The following EMC3 variants were observed in gnomAD, a reference collection of about 807,000 sequenced individuals.
EMC3 encodes ER membrane protein complex subunit 3.
EMC3 carries 13 observed loss-of-function variants against 36.6 expected under a neutral mutation model. That is an observed-to-expected ratio of 0.35 (90% CI 0.23 to 0.56). The LOEUF (loss-of-function observed/expected upper bound fraction) is 0.56, where lower values mean the gene tolerates loss of function less well. Ranked by LOEUF, EMC3 falls within the 20% of genes least tolerant of loss-of-function variation. EMC3 has a pLI of 0.84. For missense variants in EMC3, 220 were observed against 324.5 expected (o/e 0.68, Z 2.47); for synonymous variants, 120 against 111.9 (o/e 1.07, Z -0.46).
At chr3:9,974,788 G>A (rs553746754) in intron 3 of EMC3, among the ~76,000 whole-genome samples, 1 of 150,798 alleles carries the variant, frequency 6.6e-6, no homozygotes. Flanking sequence ...TTGATCTCCT[G>A]AACTCGTGAT....
intron 1 of EMC3, among the ~76,000 whole-genome samples, chr3:9,996,752 C>T (rs190781469): frequency 5.3e-5 from 8 of 152,190 alleles, no homozygotes; most frequent in Non-Finnish European, 1.2e-4. Flanking sequence ...GGTTTGTCTC[C>T]CACAGGGACA....
intron 7 of EMC3, among the ~76,000 whole-genome samples, chr3:9,964,474 T>G (rs2085718049): frequency 6.6e-6 from 1 of 152,252 alleles, no homozygotes; most frequent in Non-Finnish European, 1.5e-5. Flanking sequence ...GAGATTTAAA[T>G]TGTGGTCTGA....
At chr3:9,997,602 G>A (rs2086142787) in intron 1 of EMC3, among the ~76,000 whole-genome samples, 2 of 152,116 alleles carry the variant, frequency 1.3e-5, no homozygotes, top group South Asian at 4.2e-4. Context: ...TGTGATTACA[G>A]GCGTGCACCA....
Position 9,976,981 on chromosome 3 carries a change from C to T in EMC3, c.283G>A (p.Val95Ile), listed in dbSNP as rs2085856759. 4 of 1,612,516 alleles carry T rather than the reference C, an allele frequency of 2.5e-6. No homozygotes were observed. The highest frequency in any genetic ancestry group is 3.4e-6 in the Non-Finnish European group (4 of 1,179,588). Residue 95 changes from valine to isoleucine, a missense_variant, in exon 3 of 8, where the codon GTA becomes ATA. Coordinates refer to ENST00000245046, the MANE Select transcript of EMC3 (RefSeq NM_001394674.1). ...CCAGTCATAGGAGAAGGTGGCACTACCTTCCGTTTAGTTTTTTTGAAAAAT... is the reference window on the plus strand; with the variant it reads ...CCAGTCATAGGAGAAGGTGGCACTATCTTCCGTTTAGTTTTTTTGAAAAAT... ...DGFFKKTKRK[V>I]VPPSPMTDPT...
chr3:9,996,594 C>CT (rs1253930602), intron 1 of EMC3, among the ~76,000 whole-genome samples: 15 of 152,044 alleles, frequency 9.9e-5, no homozygotes, highest in Admixed American at 3.3e-4. Context: ...TTTATCTTCC[C>CT]CCCTGCCCTT....
chr3:9,986,785 T>C lies in EMC3; in HGVS notation c.-124A>G. On this transcript the variant is annotated 5_prime_UTR_variant, in exon 1 of 8. Transcript: ENST00000245046. ...CCTTTGCCCGTGTACCCCAGAACTC[T>C]CCTGCGACTGTGAGCCGAGCTTACT... The C allele has an allele frequency of 2.7e-6, 4 of 1,486,842 alleles. No individual in the cohort carries two copies. Among genetic ancestry groups the C allele is most frequent in the Non-Finnish European group, 3.6e-6 (4 of 1,118,518 alleles). The allele number at this position is 1,486,842 out of a possible 1,614,324, so 92.1% of individuals were successfully genotyped here. A position where few individuals can be genotyped will look rare whatever the true frequency, so the allele number is the denominator to read the frequency against.
rs1241572888 is a variant in EMC3, at chr3:10,000,235, T to C, written c.-242+10788A>G. 3.9e-5 allele frequency among the ~76,000 whole-genome samples: 6 copies of C among 152,128 alleles called. No individual in the cohort carries two copies. In the East Asian group the frequency reaches 1.2e-3, roughly 29 times the overall value. On this transcript the variant is annotated intron_variant, in intron 1 of 8. Coordinates refer to the EMC3 transcript ENST00000470827. The stretch of plus-strand genomic sequence containing the variant: ...TGTATTTTTAGTAGAGACGGGGGTT[T>C]CACCATGTTGGCCAGGCTGGTCTCG...
intron 1 of EMC3, among the ~76,000 whole-genome samples, chr3:9,998,591 G>A (rs1229565706): frequency 6.6e-6 from 1 of 151,426 alleles, no homozygotes; most frequent in Non-Finnish European, 1.5e-5. Context: ...CACCTCTCCT[G>A]GCCCTATTTT....
chr3:9,963,477 A>ATATATTTTTTTTTTT lies in EMC3; in HGVS notation c.*591_*592insAAAAAAAAAAATATA, dbSNP rs61596273. The ATATATTTTTTTTTTT allele has an allele frequency of 1.1e-5, 1 of 88,926 alleles. No individual in the cohort carries two copies. The highest frequency in any genetic ancestry group is 4.7e-5 in the African/African-American group (1 of 21,328). The allele number at this position is 88,926 out of a possible 1,614,324, so 5.5% of individuals were successfully genotyped here. A position where few individuals can be genotyped will look rare whatever the true frequency, so the allele number is the denominator to read the frequency against. Reference sequence around the variant, plus strand: ...TAGATATATATATATATATATATATATTTTTTTTTTTTTTTCAGATGGAGT... The same window carrying ATATATTTTTTTTTTT: ...TAGATATATATATATATATATATATATATATTTTTTTTTTTTTTTTTTTTTTTTTTCAGATGGAGT... On this transcript the variant is annotated 3_prime_UTR_variant, in exon 8 of 8. Transcript: ENST00000245046.
At position 9,992,097 on chromosome 3, in the gene EMC3, T is replaced by C. The variant is rs1482435391; in HGVS notation, c.-241-5195A>G. Among the ~76,000 whole-genome samples the C allele has an allele frequency of 2.6e-5, 4 of 151,848 alleles. No individual in the cohort carries two copies. The East Asian group carries it at 5.8e-4, about 22-fold the overall frequency. On this transcript the variant is annotated intron_variant, in intron 1 of 8. Coordinates refer to the EMC3 transcript ENST00000470827. ...AGGAGTTGGGGACCCCTGATCTACC[T>C]TTTTCTTTTTTTTTTAAATTTTGTA...
intron 1 of EMC3, among the ~76,000 whole-genome samples, chr3:10,009,534 GC>G (rs1254732621): frequency 3.9e-5 from 6 of 152,190 alleles, no homozygotes; most frequent in Non-Finnish European, 8.8e-5. Flanking sequence ...GAAAAAGGTG[GC>G]CCCTGAGAAC....
intron 1 of EMC3, chr3:10,000,641 T>C (rs762947708): frequency 3.2e-5 from 15 of 474,626 alleles, no homozygotes; most frequent in Non-Finnish European, 5.5e-5. Flanking sequence ...GGCCAATTAT[T>C]ACTCATTAGT....
chr3:9,977,467 A>G, intron 1 of EMC3, 21 bp from the exon 2 acceptor site: 1 of 1,605,740 alleles, frequency 6.2e-7, no homozygotes, highest in Non-Finnish European at 8.5e-7. Flanking sequence ...CAACCAACAC[A>G]ATGAGATTTT....
upstream of EMC3, among the ~76,000 whole-genome samples, chr3:9,990,505 T>TTA (rs1559355920): frequency 6.6e-6 from 1 of 151,816 alleles, no homozygotes; most frequent in African/African-American, 2.4e-5. Context: ...TGGCTAATTC[T>TTA]GTTAGTTAGT....
At chr3:10,007,718 G>T in intron 1 of EMC3, 2 of 1,230,928 alleles carry the variant, frequency 1.6e-6, no homozygotes, top group Non-Finnish European at 2.2e-6. Context: ...CAGTGAATCT[G>T]TGGGTGCAGA....
Position 10,007,430 on chromosome 3 carries a change from C to T in EMC3, c.-242+3593G>A, listed in dbSNP as rs768250047. The T allele has an allele frequency of 3.7e-6, 5 of 1,367,334 alleles. No individual in the cohort carries two copies. The South Asian group carries it at 5.7e-5, about 16-fold the overall frequency. The allele number at this position is 1,367,334 out of a possible 1,614,324, so 84.7% of individuals were successfully genotyped here. The stretch of plus-strand genomic sequence containing the variant: ...GTGGCGGGGTGTGGTCCCCAAAGTG[C>T]CTTAGGGGGCCACTTGTTCTGCTGG... On this transcript the variant is annotated intron_variant, in intron 1 of 8. Transcript: ENST00000470827.
At chr3:10,005,951 C>T (rs943601100) in intron 1 of EMC3, among the ~76,000 whole-genome samples, 3 of 152,214 alleles carry the variant, frequency 2.0e-5, no homozygotes, top group Non-Finnish European at 4.4e-5. Flanking sequence ...GATGCGGGCT[C>T]ATAGGGAGCC....
intron 3 of EMC3, 116 bp downstream of exon 3, chr3:9,976,841 A>C (rs2085855219): frequency 1.4e-6 from 1 of 725,870 alleles, no homozygotes; most frequent in African/African-American, 1.8e-5. Flanking sequence ...GTCTAAGATT[A>C]CTATCTTTTG....
At chr3:9,998,790 T>C (rs1048900967) in intron 1 of EMC3, among the ~76,000 whole-genome samples, 2 of 152,208 alleles carry the variant, frequency 1.3e-5, no homozygotes, top group Admixed American at 1.3e-4. Context: ...GAGGTCTCAC[T>C]CTGTCACACA....
Sources: gnomAD v4.1 joint callset for allele counts (sites outside exome capture counted in the v4.1 genomes callset) on GRCh38, gnomAD v4.1.1 for gene constraint, MANE v1.5 for transcripts, NCBI Gene and HGNC (gene_info 2026-07-23, HGNC 2026-07-21) for gene names.